The following CDC20B variants were observed in gnomAD, a reference collection of about 807,000 sequenced individuals.
CDC20B encodes the protein cell division cycle protein 20 homolog B.
CDC20B carries 58 observed loss-of-function variants against 64.1 expected under a neutral mutation model. The ratio of observed to expected loss-of-function variants is 0.90; its 90% CI spans 0.73 to 1.13. CDC20B has a LOEUF of 1.13. Ranked by LOEUF, CDC20B falls within the 50% of genes most tolerant of loss-of-function variation. The pLI is 0.00. For missense variants in CDC20B, 597 were observed against 633.0 expected (o/e 0.94, Z 0.61); for synonymous variants, 243 against 230.6 (o/e 1.05, Z -0.49).
rs1742714499 is a variant in CDC20B at position 55,119,834 on chromosome 5, A to G, written c.1426T>C (p.Cys476Arg). The G allele has an allele frequency of 6.2e-7, 1 of 1,613,952 alleles. No individual in the cohort carries two copies. Among genetic ancestry groups the G allele is most frequent in the Non-Finnish European group, 8.5e-7 (1 of 1,179,820 alleles). ...CCACCTGACCTGGACACAGTGGGAC[A>G]GGTCCACACAGTCACATCATTCTTG... is the stretch of plus-strand genomic sequence containing the variant. The part of the protein sequence containing the change: ...TPKNDVTVWT[C>R]PTVSRSGGFF... Residue 476 changes from cysteine (C) to arginine (R), a missense_variant, in exon 11 of 12, where the codon TGT (cysteine) becomes CGT (arginine). By Grantham distance (180) the Cys-to-Arg change is radical (BLOSUM62 -3). Around this residue, in one of 3 missense-constraint regions of CDC20B, gnomAD observed 353 missense variants for 397.0 expected, o/e 0.89. Coordinates refer to ENST00000381375, the MANE Select transcript of CDC20B (RefSeq NM_001170402.1).
At chr5:55,121,160 G>A (rs1742744389) in intron 9 of CDC20B, among the ~76,000 whole-genome samples, 1 of 151,984 alleles carries the variant, frequency 6.6e-6, no homozygotes, top group Non-Finnish European at 1.5e-5. Context: ...TCACTTTAAA[G>A]GACATTTTAA....
rs1431846245 is a variant in CDC20B at position 55,128,718 on chromosome 5, C to T, written c.698-101G>A. ...TAGGGGGAAAAGAATAATACCATCC[C>T]CATGGTTAGCTGGAAAATGGAAACA... On this transcript the variant is annotated intron_variant, in intron 6 of 11. Transcript: ENST00000381375. The T allele has an allele frequency of 6.3e-6, 5 of 790,974 alleles. No individual in the cohort carries two copies. The East Asian group carries it at 9.5e-5, about 15-fold the overall frequency. The allele number at this position is 790,974 out of a possible 1,614,324, so 49.0% of individuals were successfully genotyped here. A position where few individuals can be genotyped will look rare whatever the true frequency, so the allele number is the denominator to read the frequency against.
chr5:55,120,984 G>A (rs1742741302), intron 9 of CDC20B, among the ~76,000 whole-genome samples: 1 of 152,160 alleles, frequency 6.6e-6, no homozygotes. Flanking sequence ...TAAGAGAAAA[G>A]AGAACTATAT....
intron 2 of CDC20B, chr5:55,170,389 C>T (rs1014414439): frequency 6.6e-5 from 22 of 332,772 alleles, no homozygotes; most frequent in African/African-American, 3.7e-4. Flanking sequence ...CTTTCCTTAC[C>T]ATTATAAAAC....
Position 55,162,229 on chromosome 5 carries a change from CTA to C in CDC20B, c.126+10357_126+10358del, listed in dbSNP as rs371124391. Reference sequence around the variant, plus strand: ...TGGCCAATATGGTGAAACCCCATCTCTATTAATAGTACAAAAATTAGCCAGGT... The same window carrying C: ...TGGCCAATATGGTGAAACCCCATCTCTTAATAGTACAAAAATTAGCCAGGT... On this transcript the variant is annotated intron_variant, in intron 2 of 11. Transcript: ENST00000381375. 2.0e-3 allele frequency among the ~76,000 whole-genome samples: 298 copies of C among 152,054 alleles called. 1 individual carries two copies. The highest frequency in any genetic ancestry group is 6.7e-3 in the African/African-American group (277 of 41,486).
rs200204975 is a variant in CDC20B, at chr5:55,133,424, G to A, written c.685C>T (p.Arg229Ter). 195 of 1,529,376 alleles carry A rather than the reference G, an allele frequency of 1.3e-4. 2 individuals carry two copies. The East Asian group carries it at 3.2e-3, about 25-fold the overall frequency. The allele number at this position is 1,529,376 out of a possible 1,614,324, so 94.7% of individuals were successfully genotyped here. A position where few individuals can be genotyped will look rare whatever the true frequency, so the allele number is the denominator to read the frequency against. Residue 229 changes from arginine (R) to a stop codon, truncating the protein, a stop_gained, in exon 6 of 12, where the codon CGA becomes TGA. Transcript: ENST00000381375. LOFTEE classifies it high-confidence loss of function. The part of the protein sequence containing the change: ...PEVKIHITGL[R>*]NDYYLNILDW... ...AATGATAACTTACAGTAGTCATTTCGAAGACCAGTAATATGAATCTTCACC... is the reference window on the plus strand; with the variant it reads ...AATGATAACTTACAGTAGTCATTTCAAAGACCAGTAATATGAATCTTCACC...
intron 9 of CDC20B, among the ~76,000 whole-genome samples, 172 bp downstream of exon 9, chr5:55,124,631 A>C (rs1172271831): frequency 6.6e-6 from 1 of 152,220 alleles, no homozygotes; most frequent in African/African-American, 2.4e-5. Flanking sequence ...AAATCTGACC[A>C]GTGGAAAGTA....
intron 2 of CDC20B, among the ~76,000 whole-genome samples, chr5:55,161,713 G>A (rs1744076055): frequency 6.6e-6 from 1 of 152,184 alleles, no homozygotes; most frequent in Admixed American, 6.5e-5. Flanking sequence ...AGATGAATAT[G>A]TCAGCTTACC....
rs114050396 is a variant in CDC20B at position 55,152,958 on chromosome 5, G to T, written c.127-6102C>A. 4.6e-3 allele frequency among the ~76,000 whole-genome samples: 703 copies of T among 152,150 alleles called. 3 individuals carry two copies. Among genetic ancestry groups the T allele is most frequent in the African/African-American group, 0.016 (675 of 41,516 alleles). ...CTCCATTAAGGAGAACAATTCTCAG[G>T]GCAGGCACGGTGGCTCACGCTTATA... On this transcript the variant is annotated intron_variant, in intron 2 of 11. Coordinates refer to ENST00000381375, the MANE Select transcript of CDC20B (RefSeq NM_001170402.1).
In CDC20B at chr5:55,114,340, G is replaced by A. The variant is rs1742577037; in HGVS notation, c.1460-22C>T. ...TGGCCTGGGGGAAGAAGGAAAGACA[G>A]TTCATACTCCTCCACGTTACATGGG... On this transcript the variant is annotated intron_variant, in intron 11 of 11. Coordinates refer to ENST00000381375, the MANE Select transcript of CDC20B (RefSeq NM_001170402.1). The surrounding 1 kb of genome is among the most constrained non-coding windows in gnomAD (Gnocchi z 4.1). The A allele has an allele frequency of 6.2e-7, 1 of 1,612,296 alleles. No homozygotes were observed. The highest frequency in any genetic ancestry group is 8.5e-7 in the Non-Finnish European group (1 of 1,179,134).
intron 2 of CDC20B, among the ~76,000 whole-genome samples, chr5:55,163,071 G>A (rs538340109): frequency 6.6e-6 from 1 of 152,146 alleles, no homozygotes; most frequent in African/African-American, 2.4e-5. Flanking sequence ...TTTGAAGCAC[G>A]GAGCGTACAT....
intron 2 of CDC20B, among the ~76,000 whole-genome samples, chr5:55,157,148 C>T (rs763202338): frequency 8.5e-5 from 13 of 152,164 alleles, no homozygotes; most frequent in Non-Finnish European, 1.3e-4. Flanking sequence ...CTATAGAAGC[C>T]TTCCTTCATT....
At chr5:55,120,383 C>A in intron 10 of CDC20B, 42 bp downstream of exon 10, 1 of 1,610,686 alleles carries the variant, frequency 6.2e-7, no homozygotes, top group Non-Finnish European at 8.5e-7. Context: ...CACAAGATTC[C>A]AGAAGATCAA....
intron 5 of CDC20B, among the ~76,000 whole-genome samples, chr5:55,134,735 T>TA (rs1287545564): frequency 1.3e-5 from 2 of 151,736 alleles, no homozygotes; most frequent in African/African-American, 2.4e-5. Context: ...GTTCTGTCTC[T>TA]AAAAAAAATA....
intron 2 of CDC20B, chr5:55,161,229 G>A: frequency 6.2e-7 from 1 of 1,613,932 alleles, no homozygotes; most frequent in Non-Finnish European, 8.5e-7. Flanking sequence ...GGATCTGAAG[G>A]AGAACCTGCA....
At chr5:55,165,273 G>A (rs1561094616) in intron 2 of CDC20B, 1 of 152,156 alleles carries the variant, frequency 6.6e-6, no homozygotes, top group Non-Finnish European at 1.5e-5. Context: ...TTCTCCCAAA[G>A]TCATGACCTT....
At chr5:55,119,177 C>G (rs923369873) in intron 11 of CDC20B, among the ~76,000 whole-genome samples, 1 of 152,154 alleles carries the variant, frequency 6.6e-6, no homozygotes, top group African/African-American at 2.4e-5. Flanking sequence ...GCATCGACCA[C>G]CAGTTTTGTC....
intron 9 of CDC20B, among the ~76,000 whole-genome samples, chr5:55,124,562 A>G (rs1742829016): frequency 6.6e-6 from 1 of 152,220 alleles, no homozygotes; most frequent in Non-Finnish European, 1.5e-5. Context: ...TGAAAAAAAT[A>G]GATTTACTTT....
At chr5:55,163,852 A>C (rs1452861724) in intron 2 of CDC20B, among the ~76,000 whole-genome samples, 1 of 149,538 alleles carries the variant, frequency 6.7e-6, no homozygotes, top group Non-Finnish European at 1.5e-5. Context: ...CTAGATGAGT[A>C]GACTCATAGG....
Sources: gnomAD v4.1 joint callset for allele counts (sites outside exome capture counted in the v4.1 genomes callset) on GRCh38, gnomAD v4.1.1 for gene constraint, gnomAD v4.1.1 regional missense constraint, Gnocchi (gnomAD v3.1) non-coding constraint, MANE v1.5 for transcripts, NCBI Gene and HGNC (gene_info 2026-07-23, HGNC 2026-07-21) for gene names.